PPP4R2: variants seen among roughly 807,000 people sequenced by gnomAD.
PPP4R2 encodes the protein protein phosphatase 4 regulatory subunit 2.
In PPP4R2, 13 loss-of-function variants were observed where a neutral mutation model predicts 47.2. The observed-to-expected ratio is 0.28, with a 90% CI of 0.18 to 0.44. The LOEUF (loss-of-function observed/expected upper bound fraction) is 0.44, where lower values mean the gene tolerates loss of function less well. Ranked by LOEUF, PPP4R2 falls within the 20% of genes least tolerant of loss-of-function variation. The probability of loss-of-function intolerance (pLI) is 1.00; values close to 1 mark genes in which losing one functional copy is unlikely to be tolerated. For missense variants in PPP4R2, 421 were observed against 491.2 expected (o/e 0.86, Z 1.35); for synonymous variants, 151 against 163.3 (o/e 0.92, Z 0.57).
chr3:73,065,327 T>C, intron 8 of PPP4R2, 70 bp from the exon 9 acceptor site: 19 of 1,435,446 alleles, frequency 1.3e-5, no homozygotes, highest in Non-Finnish European at 1.8e-5. Context: ...AATATCAGAA[T>C]TCATGAAACT....
At chr3:73,020,672 T>TAAAAAA (rs1553646728) in intron 2 of PPP4R2, among the ~76,000 whole-genome samples, 86 of 133,222 alleles carry the variant, frequency 6.5e-4, no homozygotes, top group East Asian at 1.3e-3. Flanking sequence ...CCTGTCTCTT[T>TAAAAAA]AAAAAAAAAA....
chr3:73,032,808 A>G (rs1422572724), intron 2 of PPP4R2, among the ~76,000 whole-genome samples: 4 of 152,174 alleles, frequency 2.6e-5, no homozygotes, highest in Admixed American at 2.0e-4. Context: ...TTAGCATTCA[A>G]TATATACGTT....
Position 73,065,731 on chromosome 3 carries a change from A to T in PPP4R2, c.*9A>T. ...CAATGGAACAAGACTAACTATTTAGAAACATTTAGATGCAGTATTTTACAT... is the reference window on the plus strand; with the variant it reads ...CAATGGAACAAGACTAACTATTTAGTAACATTTAGATGCAGTATTTTACAT... On this transcript the variant is annotated 3_prime_UTR_variant, in exon 9 of 9. Coordinates refer to ENST00000356692, the MANE Select transcript of PPP4R2 (RefSeq NM_174907.4). The T allele has an allele frequency of 6.4e-7, 1 of 1,568,614 alleles. No homozygotes were observed. Among genetic ancestry groups the T allele is most frequent in the Non-Finnish European group, 8.7e-7 (1 of 1,150,806 alleles).
intron 2 of PPP4R2, among the ~76,000 whole-genome samples, chr3:72,998,697 ACTT>A (rs1472383585): frequency 2.4e-4 from 36 of 152,160 alleles, no homozygotes. Flanking sequence ...AAGATAGCTG[ACTT>A]GTTACATATG....
chr3:73,020,303 C>T (rs1701932148), intron 2 of PPP4R2, among the ~76,000 whole-genome samples: 1 of 152,228 alleles, frequency 6.6e-6, no homozygotes, highest in African/African-American at 2.4e-5. Context: ...TCCTCCTGTC[C>T]TCAGCCTCCT....
chr3:73,012,619 A>G (rs1257306673), intron 2 of PPP4R2, among the ~76,000 whole-genome samples: 2 of 152,160 alleles, frequency 1.3e-5, no homozygotes, highest in African/African-American at 2.4e-5. Context: ...AATATTTTCA[A>G]TCTGAGGTTG....
intron 2 of PPP4R2, among the ~76,000 whole-genome samples, chr3:73,008,656 A>G (rs1701662851): frequency 6.6e-6 from 1 of 152,226 alleles, no homozygotes; most frequent in Non-Finnish European, 1.5e-5. Flanking sequence ...CACTTAAAAA[A>G]ATGGGGTTTG....
rs1559574386 is a variant in PPP4R2 at position 73,067,928 on chromosome 3, ATATT to A, written c.*2211_*2214del. ...TTTAATCTATAGTTTAATAGTTTTAATATTTATTAGATATTCATATGTTGATCAT... is the reference window on the plus strand; with the variant it reads ...TTTAATCTATAGTTTAATAGTTTTAATATTAGATATTCATATGTTGATCAT... On this transcript the variant is annotated 3_prime_UTR_variant, in exon 9 of 9. Coordinates refer to ENST00000356692, the MANE Select transcript of PPP4R2 (RefSeq NM_174907.4). 6.6e-6 allele frequency: 1 copy of A among 152,170 alleles called. No individual in the cohort carries two copies. Among genetic ancestry groups the A allele is most frequent in the Non-Finnish European group, 1.5e-5 (1 of 68,016 alleles). 9.4% of individuals were successfully genotyped at this position (152,170 alleles called of 1,614,324 possible).
At chr3:73,002,956 C>CT (rs1182643255) in intron 2 of PPP4R2, among the ~76,000 whole-genome samples, 1 of 151,854 alleles carries the variant, frequency 6.6e-6, no homozygotes, top group African/African-American at 2.4e-5. Context: ...GTTTTTATAA[C>CT]TTTTTGCATA....
intron 3 of PPP4R2, among the ~76,000 whole-genome samples, chr3:73,053,410 A>G (rs2107322473): frequency 6.6e-6 from 1 of 152,346 alleles, no homozygotes; most frequent in East Asian, 1.9e-4. Context: ...TAATAAACTT[A>G]AAAATTGAAA....
intron 5 of PPP4R2, chr3:73,061,728 A>G (rs1403696823): frequency 4.7e-6 from 1 of 213,792 alleles, no homozygotes; most frequent in Non-Finnish European, 9.2e-6. Context: ...CTCTGCTTTC[A>G]TAGACTACTC....
intron 2 of PPP4R2, among the ~76,000 whole-genome samples, chr3:73,030,903 T>C (rs556553946): frequency 6.6e-6 from 1 of 152,030 alleles, no homozygotes; most frequent in East Asian, 2.0e-4. Context: ...GGTTTCACCA[T>C]GTTGAGCAGG....
chr3:73,063,817 CT>C (rs1208692046), intron 6 of PPP4R2, 70 bp downstream of exon 6: 2 of 1,245,478 alleles, frequency 1.6e-6, no homozygotes, highest in African/African-American at 3.0e-5. Flanking sequence ...GCTTAGTGTA[CT>C]TTTTAAAAAT....
chr3:73,036,021 A>G (rs971651099), intron 2 of PPP4R2, among the ~76,000 whole-genome samples: 1 of 152,238 alleles, frequency 6.6e-6, no homozygotes, highest in African/African-American at 2.4e-5. Flanking sequence ...AATGGTGTAT[A>G]TATACGCACA....
At position 73,027,013 on chromosome 3, in the gene PPP4R2, T is replaced by C. The variant is rs570897430; in HGVS notation, c.117-20173T>C. 3.0e-3 allele frequency among the ~76,000 whole-genome samples: 450 copies of C among 152,354 alleles called. 1 individual carries two copies. Among genetic ancestry groups the C allele is most frequent in the African/African-American group, 0.01 (426 of 41,592 alleles). The stretch of plus-strand genomic sequence containing the variant: ...AGTAGTACCACCCAACTCATACATA[T>C]GCTTCTGAAGATTGAGTTAATATGT... On this transcript the variant is annotated intron_variant, in intron 2 of 8. Transcript: ENST00000356692.
At chr3:73,056,673 A>G (rs1482008528) in intron 3 of PPP4R2, among the ~76,000 whole-genome samples, 1 of 152,236 alleles carries the variant, frequency 6.6e-6, no homozygotes, top group East Asian at 1.9e-4. Context: ...AACTCGTTTT[A>G]TCATTGCTGG....
chr3:73,026,484 CATT>C (rs1702065609), intron 2 of PPP4R2, among the ~76,000 whole-genome samples: 2 of 119,928 alleles, frequency 1.7e-5, no homozygotes, highest in Non-Finnish European at 3.6e-5. Context: ...TTTGCCGTGC[CATT>C]ATTTTTTGTT....
At chr3:73,055,898 G>T (rs373207729) in intron 3 of PPP4R2, among the ~76,000 whole-genome samples, 2 of 152,110 alleles carry the variant, frequency 1.3e-5, no homozygotes. Context: ...GAGCCACCGT[G>T]CCTGGCCCAG....
intron 2 of PPP4R2, among the ~76,000 whole-genome samples, chr3:73,037,242 G>T (rs561619606): frequency 1.3e-5 from 2 of 152,218 alleles, no homozygotes; most frequent in African/African-American, 4.8e-5. Flanking sequence ...TAATGCTAAT[G>T]AGTATATTTT....
Sources: gnomAD v4.1 joint callset for allele counts (sites outside exome capture counted in the v4.1 genomes callset) on GRCh38, gnomAD v4.1.1 for gene constraint, MANE v1.5 for transcripts, NCBI Gene and HGNC (gene_info 2026-07-23, HGNC 2026-07-21) for gene names.